The following OPRD1 variants were observed in gnomAD, a reference collection of about 807,000 sequenced individuals.
OPRD1 encodes the protein delta-type opioid receptor.
OPRD1 carries 19 observed loss-of-function variants against 17.5 expected under a neutral mutation model. The observed-to-expected ratio is 1.09, with a 90% CI of 0.76 to 1.60. The LOEUF is 1.60. Among genes scored for constraint, OPRD1 ranks in the 40% most tolerant of loss-of-function variants. OPRD1 has a pLI of 0.00. For missense variants in OPRD1, 483 were observed against 547.2 expected (o/e 0.88, Z 1.17); for synonymous variants, 256 against 240.9 (o/e 1.06, Z -0.58).
chr1:28,837,773 C>T (rs2088865394), intron 1 of OPRD1, among the ~76,000 whole-genome samples: 1 of 150,840 alleles, frequency 6.6e-6, no homozygotes, highest in Non-Finnish European at 1.5e-5. Flanking sequence ...ATCCTCCTAC[C>T]TCAGCCTTCC....
chr1:28,826,430 G>T (rs1324517574), intron 1 of OPRD1, among the ~76,000 whole-genome samples: 3 of 151,838 alleles, frequency 2.0e-5, no homozygotes, highest in Non-Finnish European at 4.4e-5. Context: ...AGGTTGAGAT[G>T]GGTGGAGCCC....
intron 1 of OPRD1, among the ~76,000 whole-genome samples, chr1:28,835,417 A>G (rs2088843727): frequency 2.0e-5 from 3 of 152,148 alleles, no homozygotes; most frequent in Non-Finnish European, 4.4e-5. Context: ...ATCTTCTCCT[A>G]TGACATGCTC....
chr1:28,866,123 G>A lies in OPRD1; in HGVS notation c.*2840G>A, dbSNP rs183425565. 1 of 152,372 alleles carries A rather than the reference G, an allele frequency of 6.6e-6. No homozygotes were observed. Among genetic ancestry groups the A allele is most frequent in the Admixed American group, 6.5e-5 (1 of 15,302 alleles). 9.4% of individuals were successfully genotyped at this position (152,372 alleles called of 1,614,324 possible). Reference sequence around the variant, plus strand: ...CTCTGGGCATCAGGACTCGGAATGAGTCAGCCTTGGCCCTGCCCTCAGAAA... The same window carrying A: ...CTCTGGGCATCAGGACTCGGAATGAATCAGCCTTGGCCCTGCCCTCAGAAA... On this transcript the variant is annotated 3_prime_UTR_variant, in exon 3 of 3. Transcript: ENST00000234961.
rs997948875 is a variant in OPRD1, at chr1:28,870,669, C to G, written c.*7386C>G. ...CAGTTCTTAAGAGGACATCTTTTCC[C>G]AAGCTCCTTAGCCTTAGCTGTCCTC... On this transcript the variant is annotated 3_prime_UTR_variant, in exon 3 of 3. Coordinates refer to ENST00000234961, the MANE Select transcript of OPRD1 (RefSeq NM_000911.4). 1 of 152,240 alleles carries G rather than the reference C, an allele frequency of 6.6e-6. No homozygotes were observed. Among genetic ancestry groups the G allele is most frequent in the Non-Finnish European group, 1.5e-5 (1 of 68,064 alleles). The allele number at this position is 152,240 out of a possible 1,614,324, so 9.4% of individuals were successfully genotyped here.
intron 2 of OPRD1, 42 bp downstream of exon 2, chr1:28,859,345 G>A: frequency 1.3e-6 from 2 of 1,549,960 alleles, no homozygotes; most frequent in African/African-American, 1.4e-5. Context: ...ACTGACCACA[G>A]GAGGCAGTAC....
chr1:28,832,208 G>A (rs149773801), intron 1 of OPRD1, among the ~76,000 whole-genome samples: 318 of 152,294 alleles, frequency 2.1e-3, no homozygotes, highest in Non-Finnish European at 3.5e-3. Flanking sequence ...CTGTGGAACA[G>A]AGCAGACTTA....
At chr1:28,814,029 G>A (rs148291503) in intron 1 of OPRD1, among the ~76,000 whole-genome samples, 46 of 152,240 alleles carry the variant, frequency 3.0e-4, no homozygotes, top group African/African-American at 1.1e-3. Context: ...GATGATCTCT[G>A]GGAGATCTTT....
intron 1 of OPRD1, among the ~76,000 whole-genome samples, chr1:28,818,467 A>G (rs1215023345): frequency 6.6e-6 from 1 of 152,122 alleles, no homozygotes; most frequent in Non-Finnish European, 1.5e-5. Flanking sequence ...ATGCCTGTGC[A>G]TCATGGAGGG....
intron 1 of OPRD1, among the ~76,000 whole-genome samples, chr1:28,815,676 C>T (rs550444262): frequency 1.5e-4 from 23 of 152,308 alleles, no homozygotes; most frequent in Non-Finnish European, 2.8e-4. Flanking sequence ...AAGGGCTCCT[C>T]GAGCTGCGCT....
At chr1:28,846,703 AAAGAG>A (rs1273770270) in intron 1 of OPRD1, among the ~76,000 whole-genome samples, 3 of 129,648 alleles carry the variant, frequency 2.3e-5, no homozygotes, top group East Asian at 7.8e-4. Context: ...AAAAAAAAAA[AAAGAG>A]AGAGAGAGAG....
intron 1 of OPRD1, among the ~76,000 whole-genome samples, chr1:28,842,922 A>C (rs2088906483): frequency 6.6e-6 from 1 of 151,978 alleles, no homozygotes; most frequent in African/African-American, 2.4e-5. Context: ...AATTAAAAAA[A>C]TTAGTTTGGT....
intron 1 of OPRD1, among the ~76,000 whole-genome samples, chr1:28,815,984 T>G (rs1355049912): frequency 6.6e-6 from 1 of 152,004 alleles, no homozygotes; most frequent in Non-Finnish European, 1.5e-5. Context: ...CTCTTCTCAT[T>G]AAAGTGGGAA....
intron 1 of OPRD1, among the ~76,000 whole-genome samples, chr1:28,834,682 G>T (rs866970225): frequency 3.9e-5 from 6 of 152,180 alleles, no homozygotes; most frequent in African/African-American, 1.2e-4. Flanking sequence ...GCCCATTCAG[G>T]TACTTCTTAA....
At chr1:28,833,652 G>A (rs1464570164) in intron 1 of OPRD1, among the ~76,000 whole-genome samples, 3 of 152,076 alleles carry the variant, frequency 2.0e-5, no homozygotes, top group African/African-American at 7.2e-5. Context: ...TAAAATAGCC[G>A]GGTACTATAG....
chr1:28,825,121 AC>A (rs2088753376), intron 1 of OPRD1, among the ~76,000 whole-genome samples: 1 of 149,252 alleles, frequency 6.7e-6, no homozygotes, highest in East Asian at 2.0e-4. Flanking sequence ...GGTGTGAACC[AC>A]TGCACCTGGC....
chr1:28,815,278 G>GT (rs996311705), intron 1 of OPRD1, among the ~76,000 whole-genome samples: 5 of 151,950 alleles, frequency 3.3e-5, no homozygotes, highest in East Asian at 1.9e-4. Flanking sequence ...GCTAACTTTA[G>GT]TTTTTTTTGC....
chr1:28,831,093 G>A (rs963409778), intron 1 of OPRD1, among the ~76,000 whole-genome samples: 1 of 152,254 alleles, frequency 6.6e-6, no homozygotes, highest in African/African-American at 2.4e-5. Flanking sequence ...ACAGTGCTGG[G>A]AAATACCCCA....
chr1:28,831,316 C>T (rs1413491090), intron 1 of OPRD1, among the ~76,000 whole-genome samples: 6 of 152,152 alleles, frequency 3.9e-5, no homozygotes, highest in Non-Finnish European at 5.9e-5. Flanking sequence ...TGGAGACCAT[C>T]CTGGCCAACA....
Position 28,863,312 on chromosome 1 carries a change from T to C in OPRD1, c.*29T>C. On this transcript the variant is annotated 3_prime_UTR_variant, in exon 3 of 3. Transcript: ENST00000234961. The stretch of plus-strand genomic sequence containing the variant: ...GGCCATCCGGCCCCCAGAGCGCCCC[T>C]CCCTAGTGACCCGGAGGCCACATGA... The C allele has an allele frequency of 7.1e-7, 1 of 1,409,776 alleles. No homozygotes were observed. Among genetic ancestry groups the C allele is most frequent in the African/African-American group, 1.5e-5 (1 of 66,050 alleles). 87.3% of individuals were successfully genotyped at this position (1,409,776 alleles called of 1,614,324 possible). A position where few individuals can be genotyped will look rare whatever the true frequency, so the allele number is the denominator to read the frequency against.
Sources: allele counts gnomAD v4.1 joint callset (sites outside exome capture counted in the v4.1 genomes callset), GRCh38; gene constraint gnomAD v4.1.1; transcripts MANE v1.5; gene names NCBI Gene and HGNC (gene_info 2026-07-23, HGNC 2026-07-21).